MYO5B: variants seen among roughly 807,000 people sequenced by gnomAD.
The protein encoded by MYO5B is unconventional myosin-Vb.
A neutral mutation model predicts 229.3 loss-of-function variants in MYO5B; 143 were observed. The observed-to-expected ratio is 0.62, with a 90% confidence interval of 0.54 to 0.72. The LOEUF (loss-of-function observed/expected upper bound fraction) is 0.72, where lower values mean the gene tolerates loss of function less well. MYO5B is among the 30% of genes least tolerant of loss of function. The probability of loss-of-function intolerance (pLI) is 0.00; values close to 1 mark genes in which losing one functional copy is unlikely to be tolerated. For synonymous variants in MYO5B, 918 were observed against 885.2 expected (o/e 1.04, Z -0.66); for missense variants, 2,321 against 2,331.0 (o/e 1.00, Z 0.09).
At chr18:49,884,574 A>G (rs1262522295) in intron 22 of MYO5B, among the ~76,000 whole-genome samples, 1 of 152,090 alleles carries the variant, frequency 6.6e-6, no homozygotes, top group African/African-American at 2.4e-5. Context: ...ATGAGAATCT[A>G]ATGCCACTGC....
intron 35 of MYO5B, 103 bp downstream of exon 35, chr18:49,841,262 G>T: frequency 9.3e-7 from 1 of 1,080,220 alleles, no homozygotes; most frequent in Non-Finnish European, 1.4e-6. Flanking sequence ...GGTCCCCAAG[G>T]GTGCTCCAAA....
At chr18:50,021,211 C>T (rs1032605859) in intron 4 of MYO5B, among the ~76,000 whole-genome samples, 39 of 152,292 alleles carry the variant, frequency 2.6e-4, no homozygotes, top group Middle Eastern at 3.4e-3. Flanking sequence ...TCCTGCCATG[C>T]CACAGCTGTG....
At chr18:49,973,233 C>T (rs1218037769) in intron 10 of MYO5B, among the ~76,000 whole-genome samples, 1 of 152,152 alleles carries the variant, frequency 6.6e-6, no homozygotes, top group Admixed American at 6.5e-5. Flanking sequence ...CAAAGATTGT[C>T]TTCTTTCTCC....
At chr18:50,092,034 G>C (rs1044372575) in intron 1 of MYO5B, among the ~76,000 whole-genome samples, 1 of 152,126 alleles carries the variant, frequency 6.6e-6, no homozygotes, top group Non-Finnish European at 1.5e-5. Context: ...CTATTTCAGG[G>C]CTGTTACTTC....
At chr18:49,997,947 T>A (rs2026007777) in intron 5 of MYO5B, among the ~76,000 whole-genome samples, 1 of 152,132 alleles carries the variant, frequency 6.6e-6, no homozygotes, top group South Asian at 2.1e-4. Flanking sequence ...CAGCTGTCTG[T>A]CCCCTGATTA....
chr18:50,021,398 A>G (rs1305101947), intron 4 of MYO5B, among the ~76,000 whole-genome samples: 2 of 152,190 alleles, frequency 1.3e-5, no homozygotes, highest in Non-Finnish European at 2.9e-5. Context: ...TCTGCCACTC[A>G]CGAACTCGGT....
At chr18:49,945,335 C>G (rs2144229194) in intron 14 of MYO5B, among the ~76,000 whole-genome samples, 1 of 152,320 alleles carries the variant, frequency 6.6e-6, no homozygotes, top group East Asian at 1.9e-4. Flanking sequence ...GAATTCAATA[C>G]AGCCCAAACC....
intron 1 of MYO5B, among the ~76,000 whole-genome samples, chr18:50,102,702 T>A (rs556156003): frequency 6.6e-6 from 1 of 151,336 alleles, no homozygotes. Context: ...TTGTTAGAAA[T>A]GCAGAATCTC....
intron 1 of MYO5B, chr18:50,097,103 G>T (rs1454153660): frequency 2.5e-6 from 1 of 405,316 alleles, no homozygotes; most frequent in East Asian, 7.3e-5. Flanking sequence ...TGTTGATATG[G>T]TTCCCTTGTC....
intron 1 of MYO5B, among the ~76,000 whole-genome samples, chr18:50,162,551 G>A (rs752563616): frequency 1.3e-5 from 2 of 152,218 alleles, no homozygotes; most frequent in African/African-American, 2.4e-5. Flanking sequence ...TCCTGTAACT[G>A]ATGAGGGGAG....
At chr18:50,154,517 A>G (rs1478806003) in intron 1 of MYO5B, among the ~76,000 whole-genome samples, 1 of 152,242 alleles carries the variant, frequency 6.6e-6, no homozygotes, top group East Asian at 1.9e-4. Flanking sequence ...GATGGAATTC[A>G]AAGAGCATGG....
At chr18:50,115,133 C>T (rs1004482661) in intron 1 of MYO5B, among the ~76,000 whole-genome samples, 4 of 152,218 alleles carry the variant, frequency 2.6e-5, no homozygotes, top group African/African-American at 9.6e-5. Flanking sequence ...CCTCTCTGCT[C>T]CATCATACCT....
chr18:49,894,806 T>A (rs139014200), intron 22 of MYO5B, 135 bp downstream of exon 22: 3 of 770,954 alleles, frequency 3.9e-6, no homozygotes, highest in Non-Finnish European at 6.7e-6. Context: ...TAGACACAGA[T>A]GAATGGTCAG....
chr18:50,153,977 A>G (rs992858231), intron 1 of MYO5B, among the ~76,000 whole-genome samples: 4 of 152,140 alleles, frequency 2.6e-5, no homozygotes, highest in African/African-American at 4.8e-5. Context: ...GAAGATGCCA[A>G]TGAAGCTGAA....
At chr18:50,060,614 AT>A (rs1290052214) in intron 1 of MYO5B, among the ~76,000 whole-genome samples, 73 of 152,340 alleles carry the variant, frequency 4.8e-4, no homozygotes, top group African/African-American at 1.7e-3. Context: ...AGCCCCACAT[AT>A]TTCCTAGAGA....
intron 23 of MYO5B, 67 bp from the exon 24 acceptor site, chr18:49,879,157 T>G (rs1333496139): frequency 6.2e-7 from 1 of 1,602,638 alleles, no homozygotes; most frequent in Non-Finnish European, 8.5e-7. Context: ...GACTCATGTT[T>G]TCCGATTAAT....
chr18:49,937,033 T>C (rs1598895401), intron 15 of MYO5B, among the ~76,000 whole-genome samples: 2 of 152,170 alleles, frequency 1.3e-5, no homozygotes. Context: ...GAGGCTACGG[T>C]CGGCCCCTTC....
intron 27 of MYO5B, among the ~76,000 whole-genome samples, chr18:49,870,664 A>G (rs1458573622): frequency 6.6e-6 from 1 of 152,258 alleles, no homozygotes; most frequent in African/African-American, 2.4e-5. Context: ...TGGCCAATCA[A>G]CACATGAGAA....
intron 21 of MYO5B, among the ~76,000 whole-genome samples, chr18:49,899,931 T>TA (rs1555641424): frequency 1.3e-5 from 2 of 151,794 alleles, no homozygotes; most frequent in Non-Finnish European, 2.9e-5. Context: ...TTTTTTATTT[T>TA]TTTTTTAAAT....
Sources: allele counts gnomAD v4.1 joint callset (sites outside exome capture counted in the v4.1 genomes callset), GRCh38; gene constraint gnomAD v4.1.1; transcripts MANE v1.5; gene names NCBI Gene and HGNC (gene_info 2026-07-23, HGNC 2026-07-21).